Variants in LAMC1 observed in about 807,000 individuals in gnomAD.
LAMC1 encodes laminin subunit gamma-1.
LAMC1 carries 38 observed loss-of-function variants against 173.6 expected under a neutral mutation model. The observed-to-expected ratio is 0.22, with a 90% CI of 0.17 to 0.29. The LOEUF is 0.29. LAMC1 is among the 10% of genes least tolerant of loss of function. The probability of loss-of-function intolerance (pLI) is 1.00; values close to 1 mark genes in which losing one functional copy is unlikely to be tolerated. For missense variants in LAMC1, 1,824 were observed against 2,051.8 expected (o/e 0.89, Z 2.14); for synonymous variants, 746 against 749.1 (o/e 1.00, Z 0.07).
chr1:183,093,983 C>T (rs1270167535), intron 1 of LAMC1, among the ~76,000 whole-genome samples: 1 of 152,186 alleles, frequency 6.6e-6, no homozygotes, highest in African/African-American at 2.4e-5. Flanking sequence ...CTAGTTAGAG[C>T]CTGTTACTCC....
chr1:183,109,582 A>G (rs1656084124), intron 3 of LAMC1, among the ~76,000 whole-genome samples: 1 of 152,232 alleles, frequency 6.6e-6, no homozygotes, highest in Non-Finnish European at 1.5e-5. Context: ...CATGGGGGAC[A>G]TCAAAGTTTG....
chr1:183,140,245 CAAAA>C (rs56152259), intron 26 of LAMC1, among the ~76,000 whole-genome samples, 155 bp from the exon 27 acceptor site: 6 of 52,914 alleles, frequency 1.1e-4, no homozygotes, highest in South Asian at 8.5e-4. Context: ...GCAGCCCCAC[CAAAA>C]AAAAAAAAAA....
At chr1:183,080,076 C>A (rs1226713964) in intron 1 of LAMC1, among the ~76,000 whole-genome samples, 4 of 151,950 alleles carry the variant, frequency 2.6e-5, no homozygotes, top group African/African-American at 9.7e-5. Context: ...AACCCCATCT[C>A]TACTAAAAAT....
intron 5 of LAMC1, among the ~76,000 whole-genome samples, chr1:183,115,135 C>A (rs1656281439): frequency 6.6e-6 from 1 of 152,174 alleles, no homozygotes; most frequent in Admixed American, 6.5e-5. Flanking sequence ...CTAGCCCATT[C>A]TTCAAGAGTT....
At chr1:183,024,257 C>T (rs950162919) in intron 1 of LAMC1, 123 bp downstream of exon 1, 2 of 911,642 alleles carry the variant, frequency 2.2e-6, no homozygotes, top group Non-Finnish European at 3.3e-6. Context: ...TGTTCCCCGG[C>T]ATGGGCCACA....
chr1:183,116,656 G>C lies in LAMC1; in HGVS notation c.1408G>C (p.Glu470Gln). 1 of 1,613,094 alleles carries C rather than the reference G, an allele frequency of 6.2e-7. No individual in the cohort carries two copies. Among genetic ancestry groups the C allele is most frequent in the Non-Finnish European group, 8.5e-7 (1 of 1,179,122 alleles). The change falls in exon 7 of 28, where the codon GAA (glutamate) becomes CAA (glutamine). Residue 470 changes from glutamate to glutamine, a missense_variant. Physicochemically the swap from Glu to Gln is conservative, Grantham distance 29. Transcript: ENST00000258341. ...AAGATGTGTTTGCAAAGACAATGTC[G>C]AAGGCTTCAATTGTGAAAGGTAGTG... is the stretch of plus-strand genomic sequence containing the variant. ...TGRCVCKDNV[E>Q]GFNCERCKPG...
At chr1:183,029,233 C>CA (rs1164904523) in intron 1 of LAMC1, among the ~76,000 whole-genome samples, 1 of 152,218 alleles carries the variant, frequency 6.6e-6, no homozygotes, top group Non-Finnish European at 1.5e-5. Context: ...CTTCTATATC[C>CA]AGACACTATG....
chr1:183,129,523 C>G (rs1253421478), intron 18 of LAMC1, among the ~76,000 whole-genome samples: 2 of 151,878 alleles, frequency 1.3e-5, no homozygotes, highest in East Asian at 3.9e-4. Context: ...TTTTCCAAAC[C>G]TGTATTCATC....
chr1:183,060,408 A>T (rs1268094724), intron 1 of LAMC1, among the ~76,000 whole-genome samples: 1 of 151,362 alleles, frequency 6.6e-6, no homozygotes, highest in African/African-American at 2.4e-5. Flanking sequence ...AAAAAAAAAA[A>T]GCAATTACCC....
At chr1:183,113,916 A>G (rs578029384) in intron 4 of LAMC1, among the ~76,000 whole-genome samples, 2 of 152,364 alleles carry the variant, frequency 1.3e-5, no homozygotes, top group East Asian at 1.9e-4. Flanking sequence ...TTACTTGTAT[A>G]TGAACAATTA....
At chr1:183,136,293 G>A in intron 24 of LAMC1, 93 bp from the exon 25 acceptor site, 1 of 1,095,912 alleles carries the variant, frequency 9.1e-7, no homozygotes, top group Non-Finnish European at 1.4e-6. Context: ...GACTTCCATT[G>A]TTCATAAAAC....
At chr1:183,074,179 A>G (rs180801889) in intron 1 of LAMC1, among the ~76,000 whole-genome samples, 5 of 152,360 alleles carry the variant, frequency 3.3e-5, no homozygotes, top group Admixed American at 3.3e-4. Context: ...TATCTTTTAC[A>G]GACTGACAGG....
At chr1:183,063,615 T>C (rs1654794512) in intron 1 of LAMC1, among the ~76,000 whole-genome samples, 1 of 152,206 alleles carries the variant, frequency 6.6e-6, no homozygotes, top group Non-Finnish European at 1.5e-5. Context: ...TCTCCTATCA[T>C]TGCTTTAAAC....
At chr1:183,088,516 G>A (rs1024185911) in intron 1 of LAMC1, among the ~76,000 whole-genome samples, 2 of 152,214 alleles carry the variant, frequency 1.3e-5, no homozygotes, top group Non-Finnish European at 2.9e-5. Context: ...GTGTATGTAT[G>A]TGTGCAAGGT....
intron 1 of LAMC1, among the ~76,000 whole-genome samples, chr1:183,026,625 A>G (rs1027551243): frequency 6.6e-6 from 1 of 152,190 alleles, no homozygotes; most frequent in Non-Finnish European, 1.5e-5. Context: ...CTCCCAGTTC[A>G]AATTTCACAT....
chr1:183,135,148 A>G lies in LAMC1; in HGVS notation c.4106A>G (p.Asn1369Ser), dbSNP rs1469434674. The G allele has an allele frequency of 1.2e-6, 2 of 1,607,078 alleles. No homozygotes were observed. The highest frequency in any genetic ancestry group is 2.7e-5 in the African/African-American group (2 of 74,772). The change falls in exon 24 of 28, where the codon AAC (asparagine) becomes AGC (serine). Residue 1369 changes from asparagine to serine, a missense_variant. Coordinates refer to ENST00000258341, the MANE Select transcript of LAMC1 (RefSeq NM_002293.4). ...TLQEANDILN[N>S]LKDFDRRVND... ...CAAGAAGCTAATGACATTCTCAACA[A>G]CCTGAAAGGTAGAAAAGGCTGAGAT... is the stretch of plus-strand genomic sequence containing the variant.
In LAMC1 at chr1:183,135,034, G is replaced by A. The variant is rs143431725; in HGVS notation, c.4000-8G>A. ...GGGTTCATCCTCTCATCTGCCATGT[G>A]TTTGCAGACCGCAGACCAACTCCTA... On this transcript the variant is annotated splice_polypyrimidine_tract_variant and splice_region_variant and intron_variant, in intron 23 of 27. Coordinates refer to ENST00000258341, the MANE Select transcript of LAMC1 (RefSeq NM_002293.4). The A allele has an allele frequency of 2.0e-5, 32 of 1,608,122 alleles. No homozygotes were observed. In the Middle Eastern group the frequency reaches 5.0e-4, roughly 25 times the overall value.
intron 1 of LAMC1, among the ~76,000 whole-genome samples, chr1:183,093,755 C>T (rs574677060): frequency 6.6e-6 from 1 of 152,178 alleles, no homozygotes; most frequent in South Asian, 2.1e-4. Context: ...TCTCCATCCC[C>T]CCATGGCTGC....
chr1:183,082,531 G>GGT (rs947225630), intron 1 of LAMC1, among the ~76,000 whole-genome samples: 2 of 152,282 alleles, frequency 1.3e-5, no homozygotes, highest in Admixed American at 6.5e-5. Context: ...ACTGGTGATA[G>GGT]GTGTGTGTGT....
Sources: gnomAD v4.1 joint callset for allele counts (sites outside exome capture counted in the v4.1 genomes callset) on GRCh38, gnomAD v4.1.1 for gene constraint, MANE v1.5 for transcripts, NCBI Gene and HGNC (gene_info 2026-07-23, HGNC 2026-07-21) for gene names.